The following UGT1A10 variants were observed in gnomAD, a reference collection of about 807,000 sequenced individuals.
UGT1A10 encodes the protein UDP-glucuronosyltransferase 1A10.
In UGT1A10, 49 loss-of-function variants were observed where a neutral mutation model predicts 45.8. The ratio of observed to expected loss-of-function variants is 1.07; its 90% confidence interval spans 0.85 to 1.36. UGT1A10 has a LOEUF of 1.36. Among genes scored for constraint, UGT1A10 ranks in the 40% most tolerant of loss-of-function variants. The pLI is 0.00. For synonymous variants in UGT1A10, 284 were observed against 249.7 expected (o/e 1.14, Z -1.29); for missense variants, 745 against 668.6 (o/e 1.11, Z -1.26).
At chr2:233,721,924 G>A (rs2076980343) in intron 1 of UGT1A10, 1 of 395,850 alleles carries the variant, frequency 2.5e-6, no homozygotes, top group East Asian at 7.1e-5. Context: ...TCCATAAAGT[G>A]ACATCCTTCA....
intron 1 of UGT1A10, among the ~76,000 whole-genome samples, chr2:233,705,743 C>T (rs377625119): frequency 6.6e-6 from 1 of 152,104 alleles, no homozygotes; most frequent in East Asian, 1.9e-4. Flanking sequence ...GCAGGTAGGT[C>T]GGTAACAGAT....
chr2:233,682,664 G>A, intron 1 of UGT1A10: 2 of 1,613,842 alleles, frequency 1.2e-6, no homozygotes, highest in Non-Finnish European at 1.7e-6. Context: ...CACGGCATAT[G>A]ATCTCTACAG....
At chr2:233,713,365 A>G (rs759531587) in intron 1 of UGT1A10, 3 of 1,614,078 alleles carry the variant, frequency 1.9e-6, no homozygotes, top group African/African-American at 1.3e-5. Flanking sequence ...TTGATCATAC[A>G]TAGGTCTTGT....
intron 1 of UGT1A10, among the ~76,000 whole-genome samples, chr2:233,744,939 T>C (rs1164592780): frequency 6.6e-6 from 1 of 151,916 alleles, no homozygotes; most frequent in Non-Finnish European, 1.5e-5. Context: ...AATGACACAG[T>C]ATTTGTATAT....
In UGT1A10 at chr2:233,768,557, A is replaced by G. The variant is rs28946891; in HGVS notation, c.1295+118A>G. 5 of 1,466,482 alleles carry G rather than the reference A, an allele frequency of 3.4e-6. No individual in the cohort carries two copies. The African/African-American group carries it at 7.2e-5, about 21-fold the overall frequency. 90.8% of individuals were successfully genotyped at this position (1,466,482 alleles called of 1,614,324 possible). On this transcript the variant is annotated intron_variant, in intron 4 of 4. Coordinates refer to ENST00000344644, the MANE Select transcript of UGT1A10 (RefSeq NM_019075.4). ...TTGTTTCAAATATAAAAACAAATAC[A>G]TAAAAATCTGGATTTTTATTTCTTC... is the stretch of plus-strand genomic sequence containing the variant.
chr2:233,720,742 G>A (rs2125678345), intron 1 of UGT1A10, among the ~76,000 whole-genome samples: 1 of 144,784 alleles, frequency 6.9e-6, no homozygotes, highest in African/African-American at 2.6e-5. Flanking sequence ...GCCTCGTTCT[G>A]TCGCCCAGGC....
intron 1 of UGT1A10, among the ~76,000 whole-genome samples, chr2:233,681,016 AG>A (rs1402583514): frequency 1.3e-5 from 2 of 151,990 alleles, no homozygotes; most frequent in East Asian, 3.9e-4. Flanking sequence ...CAGAGGCCTC[AG>A]AAGATTTGGA....
chr2:233,693,984 A>G, intron 1 of UGT1A10: 1 of 1,550,602 alleles, frequency 6.4e-7, no homozygotes, highest in Non-Finnish European at 8.7e-7. Context: ...CGGTGGGGGG[A>G]AGTGATACCC....
At chr2:233,695,917 A>G (rs2075314199) in intron 1 of UGT1A10, among the ~76,000 whole-genome samples, 1 of 152,158 alleles carries the variant, frequency 6.6e-6, no homozygotes, top group African/African-American at 2.4e-5. Context: ...TTTTCTCCAC[A>G]CACCAAGCAA....
chr2:233,734,406 C>G (rs543210294), intron 1 of UGT1A10, among the ~76,000 whole-genome samples: 13 of 151,932 alleles, frequency 8.6e-5, no homozygotes, highest in African/African-American at 2.7e-4. Flanking sequence ...CTATTTGATT[C>G]TTCTCTCTTT....
chr2:233,755,038 C>A (rs751084795), intron 1 of UGT1A10: 1 of 1,320,112 alleles, frequency 7.6e-7, no homozygotes, highest in South Asian at 1.1e-5. Flanking sequence ...CTGCCGCCTG[C>A]GCAGCCGCCC....
Position 233,769,834 on chromosome 2 carries a change from G to T in UGT1A10, c.1295+1395G>T. ...CATGCCACTGCACTCCAGCAACCTG[G>T]GCAACAGAGTGAGACCCTGTCTCAA... On this transcript the variant is annotated intron_variant, in intron 4 of 4. Coordinates refer to ENST00000344644, the MANE Select transcript of UGT1A10 (RefSeq NM_019075.4). The surrounding 1 kb of genome is among the most constrained non-coding windows in gnomAD (Gnocchi z 4.4). 1.5e-6 allele frequency: 1 copy of T among 687,902 alleles called. No individual in the cohort carries two copies. The highest frequency in any genetic ancestry group is 2.2e-6 in the Non-Finnish European group (1 of 463,396). The allele number at this position is 687,902 out of a possible 1,614,324, so 42.6% of individuals were successfully genotyped here.
intron 1 of UGT1A10, among the ~76,000 whole-genome samples, chr2:233,716,976 C>T (rs1875263): frequency 0.42 from 64,188 of 151,992 alleles, 14,717 homozygotes; most frequent in African/African-American, 0.61. Context: ...TCTCCCTCCC[C>T]ACAGTCCTGC....
At chr2:233,734,495 T>C (rs541063425) in intron 1 of UGT1A10, among the ~76,000 whole-genome samples, 38 of 152,346 alleles carry the variant, frequency 2.5e-4, no homozygotes, top group African/African-American at 9.1e-4. Flanking sequence ...TTGAAGGTTT[T>C]TTTGTGTCTC....
chr2:233,645,584 T>C (rs1450796282), intron 1 of UGT1A10, among the ~76,000 whole-genome samples: 1 of 152,118 alleles, frequency 6.6e-6, no homozygotes, highest in Non-Finnish European at 1.5e-5. Flanking sequence ...AATTGGCCAA[T>C]AAGGGGGCTA....
intron 1 of UGT1A10, chr2:233,730,098 T>G: frequency 6.3e-7 from 1 of 1,586,492 alleles, no homozygotes; most frequent in East Asian, 2.3e-5. Flanking sequence ...TTCCAAATAT[T>G]TCATTTCTGC....
In UGT1A10 at chr2:233,772,680, C is replaced by T; in HGVS notation, c.*121C>T. 2 of 1,530,096 alleles carry T rather than the reference C, an allele frequency of 1.3e-6. No homozygotes were observed. The highest frequency in any genetic ancestry group is 2.5e-5 in the South Asian group (2 of 81,594). 94.8% of individuals were successfully genotyped at this position (1,530,096 alleles called of 1,614,324 possible). A position where few individuals can be genotyped will look rare whatever the true frequency, so the allele number is the denominator to read the frequency against. On this transcript the variant is annotated 3_prime_UTR_variant, in exon 5 of 5. Transcript: ENST00000344644. ...AAGGAAATACTTTGCATAAATTAAT[C>T]AGCCCCAGAGTGCTTTAAAAAATTC...
intron 1 of UGT1A10, among the ~76,000 whole-genome samples, chr2:233,731,284 CTTT>C (rs78127606): frequency 7.2e-6 from 1 of 139,768 alleles, no homozygotes. Flanking sequence ...GTTTTTCTTT[CTTT>C]TTTTTTTTTT....
chr2:233,734,953 A>G (rs2078590545), intron 1 of UGT1A10, among the ~76,000 whole-genome samples: 1 of 152,320 alleles, frequency 6.6e-6, no homozygotes, highest in African/African-American at 2.4e-5. Context: ...CAGTTTTAGA[A>G]TAAGTGTGAT....
Sources: allele counts gnomAD v4.1 joint callset (sites outside exome capture counted in the v4.1 genomes callset), GRCh38; gene constraint gnomAD v4.1.1; non-coding constraint Gnocchi (gnomAD v3.1); transcripts MANE v1.5; gene names NCBI Gene and HGNC (gene_info 2026-07-23, HGNC 2026-07-21).